Variants in ZSWIM7 observed in about 807,000 individuals in gnomAD.
ZSWIM7 encodes zinc finger SWIM domain-containing protein 7.
A neutral mutation model predicts 21.1 loss-of-function variants in ZSWIM7; 22 were observed. That is an observed-to-expected ratio of 1.04 (90% CI 0.74 to 1.49). ZSWIM7 has a LOEUF of 1.49. Ranked by LOEUF, ZSWIM7 falls within the 40% of genes most tolerant of loss-of-function variation. ZSWIM7 has a pLI of 0.00. For missense variants in ZSWIM7, 193 were observed against 168.0 expected (o/e 1.15, Z -0.82); for synonymous variants, 67 against 66.5 (o/e 1.01, Z -0.04).
chr17:15,981,647 G>T (rs1970356900), intron 3 of ZSWIM7, among the ~76,000 whole-genome samples: 1 of 152,152 alleles, frequency 6.6e-6, no homozygotes, highest in Non-Finnish European at 1.5e-5. Flanking sequence ...GTGGCTCAAA[G>T]CCTGTAATCC....
chr17:15,992,867 A>T (rs947781500), intron 2 of ZSWIM7, among the ~76,000 whole-genome samples: 1 of 152,162 alleles, frequency 6.6e-6, no homozygotes, highest in African/African-American at 2.4e-5. Context: ...CCTAGTTTCT[A>T]AGAGTATTTT....
chr17:15,979,110 G>C (rs950546803), intron 4 of ZSWIM7, among the ~76,000 whole-genome samples: 91 of 151,278 alleles, frequency 6.0e-4, no homozygotes, highest in African/African-American at 1.5e-3. Context: ...AAGGTCTCTG[G>C]TTTTCCTAGG....
rs1367273424 is a variant in ZSWIM7, at chr17:15,981,144, C to G, written c.202G>C (p.Val68Leu). ...SSPSGRRVYQ[V>L]LGSSSKTYTC... ...TATGTTTTACTGGAACTTCCAAGGA[C>G]CTACAAAGAAAGGATAGATGGGATC... The change falls in exon 4 of 5, where the codon GTC becomes CTC. Residue 68 changes from valine to leucine, a missense_variant and splice_region_variant. Val to Leu is a conservative substitution (Grantham distance 32, BLOSUM62 1). Transcript: ENST00000399277. 6.2e-7 allele frequency: 1 copy of G among 1,612,418 alleles called. No homozygotes were observed. The highest frequency in any genetic ancestry group is 1.7e-5 in the Admixed American group (1 of 59,974).
At chr17:15,979,273 C>T (rs2151618147) in intron 4 of ZSWIM7, among the ~76,000 whole-genome samples, 1 of 151,914 alleles carries the variant, frequency 6.6e-6, no homozygotes, top group South Asian at 2.1e-4. Flanking sequence ...TGAGTGGACA[C>T]AGCACATGTT....
In ZSWIM7 at chr17:15,981,102, A is replaced by AT. The variant is rs1261846092; in HGVS notation, c.243_244insA (p.Cys82MetfsTer18). On this transcript the variant is annotated frameshift_variant, in exon 4 of 5. Coordinates refer to ENST00000399277, the MANE Select transcript of ZSWIM7 (RefSeq NM_001042697.2). LOFTEE classifies it high-confidence loss of function. The stretch of plus-strand genomic sequence containing the variant: ...AATGCAGGACATGAACAGTAATGAC[A>AT]AGAAGCCAAACATGTGTATGTTTTA... 1 of 1,613,912 alleles carries AT rather than the reference A, an allele frequency of 6.2e-7. No individual in the cohort carries two copies. The highest frequency in any genetic ancestry group is 1.1e-5 in the South Asian group (1 of 91,078).
chr17:15,980,941 T>C, intron 4 of ZSWIM7, 99 bp downstream of exon 4: 2 of 824,726 alleles, frequency 2.4e-6, no homozygotes, highest in East Asian at 2.7e-5. Flanking sequence ...TGTTTCAACA[T>C]ATAATAAGAT....
At position 15,977,980 on chromosome 17, in the gene ZSWIM7, C is replaced by A; in HGVS notation, c.*67G>T. On this transcript the variant is annotated 3_prime_UTR_variant, in exon 5 of 5. Transcript: ENST00000399277. ...CATTTCACCTCTTTTCCATGTGAAT[C>A]ATGACGCTTTCAATGCATTTCTTGA... is the stretch of plus-strand genomic sequence containing the variant. 1 of 1,271,340 alleles carries A rather than the reference C, an allele frequency of 7.9e-7. No homozygotes were observed. The highest frequency in any genetic ancestry group is 1.5e-5 in the African/African-American group (1 of 68,266). The allele number at this position is 1,271,340 out of a possible 1,614,324, so 78.8% of individuals were successfully genotyped here.
At chr17:15,991,923 G>GTTTTT (rs1567571402) in intron 2 of ZSWIM7, among the ~76,000 whole-genome samples, 1 of 128,414 alleles carries the variant, frequency 7.8e-6, no homozygotes, top group African/African-American at 3.0e-5. Context: ...TGTTTGTTTT[G>GTTTTT]TTTTGTTTTG....
chr17:15,983,390 T>A (rs1352625856), intron 3 of ZSWIM7, among the ~76,000 whole-genome samples: 2 of 146,938 alleles, frequency 1.4e-5, no homozygotes, highest in Admixed American at 6.8e-5. Context: ...AGTTACAAAT[T>A]AGGTGTTGAA....
At chr17:15,993,245 C>T (rs1043623574) in intron 2 of ZSWIM7, among the ~76,000 whole-genome samples, 3 of 151,956 alleles carry the variant, frequency 2.0e-5, no homozygotes, top group Admixed American at 6.6e-5. Context: ...GAGCTGGTCT[C>T]GAACTCCTGG....
At chr17:15,995,451 G>A (rs1464047196) in intron 1 of ZSWIM7, among the ~76,000 whole-genome samples, 3 of 151,642 alleles carry the variant, frequency 2.0e-5, no homozygotes, top group Non-Finnish European at 4.4e-5. Flanking sequence ...TAGTAGAGAC[G>A]GGGTTTCTCC....
At position 15,978,043 on chromosome 17, in the gene ZSWIM7, C is replaced by G; in HGVS notation, c.*4G>C. 1 of 1,605,544 alleles carries G rather than the reference C, an allele frequency of 6.2e-7. No homozygotes were observed. Among genetic ancestry groups the G allele is most frequent in the Non-Finnish European group, 8.5e-7 (1 of 1,172,302 alleles). ...TTGAAAGAATGATGCTCAATCTGTACCTTTTATGCTTCTTGTTTCTTCTCC... is the reference window on the plus strand; with the variant it reads ...TTGAAAGAATGATGCTCAATCTGTAGCTTTTATGCTTCTTGTTTCTTCTCC... On this transcript the variant is annotated 3_prime_UTR_variant, in exon 5 of 5. Coordinates refer to ENST00000399277, the MANE Select transcript of ZSWIM7 (RefSeq NM_001042697.2).
At chr17:15,979,849 G>A (rs1176527134) in intron 4 of ZSWIM7, among the ~76,000 whole-genome samples, 1 of 100,260 alleles carries the variant, frequency 1.0e-5, no homozygotes, top group African/African-American at 4.2e-5. Flanking sequence ...CCTCCCTCCC[G>A]GACGGGGCGG....
Position 15,993,348 on chromosome 17 carries a change from TTTTATTTATTTA to T in ZSWIM7, c.98+397_98+408del, listed in dbSNP as rs149424883. Among the ~76,000 whole-genome samples the T allele has an allele frequency of 4.9e-5, 7 of 142,430 alleles. No homozygotes were observed. The East Asian group carries it at 7.9e-4, about 16-fold the overall frequency. The allele number at this position is 142,430 out of a possible 152,430, so 93.4% of individuals were successfully genotyped here. A position where few individuals can be genotyped will look rare whatever the true frequency, so the allele number is the denominator to read the frequency against. On this transcript the variant is annotated intron_variant, in intron 2 of 4. Coordinates refer to ENST00000399277, the MANE Select transcript of ZSWIM7 (RefSeq NM_001042697.2). ...GTAGTAAGAATATTTTTATTTTTTA[TTTTATTTATTTA>T]TTTATTTATTTATTTATTTATTTTT...
intron 1 of ZSWIM7, among the ~76,000 whole-genome samples, chr17:15,998,675 G>GA (rs928744287): frequency 6.7e-6 from 1 of 150,154 alleles, no homozygotes; most frequent in Non-Finnish European, 1.5e-5. Context: ...CTGCTGGTCA[G>GA]AAAAAAAATG....
At chr17:15,978,871 T>G (rs1453928508) in intron 4 of ZSWIM7, among the ~76,000 whole-genome samples, 1 of 151,884 alleles carries the variant, frequency 6.6e-6, no homozygotes, top group African/African-American at 2.4e-5. Context: ...ATAGATTATC[T>G]CACTGAAATC....
rs1196263245 is a variant in ZSWIM7 at position 15,987,514 on chromosome 17, C to T, written c.99-146G>A. Reference sequence around the variant, plus strand: ...AAATAATACAGCAAAACCCATGGACCCATTCACTCCCCAGAATTAATGTTA... The same window carrying T: ...AAATAATACAGCAAAACCCATGGACTCATTCACTCCCCAGAATTAATGTTA... On this transcript the variant is annotated intron_variant, in intron 2 of 4. Transcript: ENST00000399277. 1.8e-5 allele frequency: 12 copies of T among 650,274 alleles called. No homozygotes were observed. In the East Asian group the frequency reaches 3.1e-4, roughly 17 times the overall value. The allele number at this position is 650,274 out of a possible 1,614,324, so 40.3% of individuals were successfully genotyped here.
chr17:15,991,831 G>C (rs1402127873), intron 2 of ZSWIM7, among the ~76,000 whole-genome samples: 3 of 151,968 alleles, frequency 2.0e-5, no homozygotes, highest in African/African-American at 7.3e-5. Flanking sequence ...CCAGGCTGGA[G>C]TGTAGTGGCA....
At chr17:15,995,236 G>A (rs1384072604) in intron 1 of ZSWIM7, among the ~76,000 whole-genome samples, 1 of 151,726 alleles carries the variant, frequency 6.6e-6, no homozygotes, top group Non-Finnish European at 1.5e-5. Flanking sequence ...GGAGTCTGAG[G>A]CCAGCCTGGG....
Sources: gnomAD v4.1 joint callset for allele counts (sites outside exome capture counted in the v4.1 genomes callset) on GRCh38, gnomAD v4.1.1 for gene constraint, MANE v1.5 for transcripts, NCBI Gene and HGNC (gene_info 2026-07-23, HGNC 2026-07-21) for gene names.